Variants in SUPT3H observed in about 807,000 individuals in gnomAD.
The protein encoded by SUPT3H is SPT3 homolog, SAGA and STAGA complex component.
SUPT3H carries 44 observed loss-of-function variants against 44.3 expected under a neutral mutation model. The observed-to-expected ratio is 0.99, with a 90% CI of 0.78 to 1.28. The LOEUF (loss-of-function observed/expected upper bound fraction) is 1.28. Among genes scored for constraint, SUPT3H ranks in the 50% most tolerant of loss-of-function variants. SUPT3H has a pLI of 0.00. For synonymous variants in SUPT3H, 124 were observed against 125.6 expected (o/e 0.99, Z 0.09); for missense variants, 380 against 387.1 (o/e 0.98, Z 0.15).
rs539768003 is a variant in SUPT3H, at chr6:45,242,480, A to C, written c.101+122721T>G. Among the ~76,000 whole-genome samples the C allele has an allele frequency of 4.6e-5, 7 of 152,334 alleles. No individual in the cohort carries two copies. The East Asian group carries it at 1.4e-3, about 29-fold the overall frequency. On this transcript the variant is annotated intron_variant, in intron 2 of 10. Coordinates refer to ENST00000371459, the MANE Select transcript of SUPT3H (RefSeq NM_003599.4). ...ACAACCATAGGGGAGCTTGAAGATGAACATTCTCAGAGCTCATATCAAGCT... is the reference window on the plus strand; with the variant it reads ...ACAACCATAGGGGAGCTTGAAGATGCACATTCTCAGAGCTCATATCAAGCT...
At chr6:45,319,926 G>A (rs958128762) in intron 2 of SUPT3H, among the ~76,000 whole-genome samples, 1 of 152,026 alleles carries the variant, frequency 6.6e-6, no homozygotes, top group African/African-American at 2.4e-5. Context: ...CATCTTATTA[G>A]TAATAATGAA....
intron 5 of SUPT3H, among the ~76,000 whole-genome samples, chr6:45,010,419 T>A (rs1400104395): frequency 6.6e-6 from 1 of 152,130 alleles, no homozygotes; most frequent in Non-Finnish European, 1.5e-5. Context: ...CCCGATCTTA[T>A]AAGGGAAAGC....
intron 3 of SUPT3H, among the ~76,000 whole-genome samples, chr6:45,077,134 C>A (rs1178204476): frequency 6.6e-6 from 1 of 152,182 alleles, no homozygotes; most frequent in Admixed American, 6.5e-5. Context: ...CCCCACGAAG[C>A]TTTCCCTCAT....
chr6:45,292,067 C>T (rs905806605), intron 2 of SUPT3H, among the ~76,000 whole-genome samples: 1 of 152,116 alleles, frequency 6.6e-6, no homozygotes, highest in African/African-American at 2.4e-5. Flanking sequence ...CAAAGGAACA[C>T]CTATCAGATT....
At chr6:44,979,208 G>A (rs1460732286) in intron 6 of SUPT3H, among the ~76,000 whole-genome samples, 1 of 152,110 alleles carries the variant, frequency 6.6e-6, no homozygotes, top group African/African-American at 2.4e-5. Context: ...CTGTAGCACA[G>A]TATTTTAATT....
At chr6:45,036,552 G>A (rs1787703406) in intron 3 of SUPT3H, among the ~76,000 whole-genome samples, 1 of 152,008 alleles carries the variant, frequency 6.6e-6, no homozygotes. Flanking sequence ...AGCTTAAAAA[G>A]TTACATTGCC....
At chr6:44,962,100 T>C (rs1168553136) in intron 6 of SUPT3H, among the ~76,000 whole-genome samples, 1 of 152,212 alleles carries the variant, frequency 6.6e-6, no homozygotes, top group Non-Finnish European at 1.5e-5. Flanking sequence ...TTCTGACTTG[T>C]ATCATCCTTT....
intron 2 of SUPT3H, among the ~76,000 whole-genome samples, chr6:45,174,657 G>A (rs1232189453): frequency 6.6e-6 from 1 of 152,094 alleles, no homozygotes; most frequent in African/African-American, 2.4e-5. Context: ...GGAACACACA[G>A]TCTGTAGTAA....
At position 45,033,532 on chromosome 6, in the gene SUPT3H, C is replaced by A. The variant is rs191138532; in HGVS notation, c.187-12900G>T. ...CCTCACAGGGCTTACAGACTGATTACTTTTAGATGTACAATAAATATTGTA... is the reference window on the plus strand; with the variant it reads ...CCTCACAGGGCTTACAGACTGATTAATTTTAGATGTACAATAAATATTGTA... On this transcript the variant is annotated intron_variant, in intron 3 of 10. Transcript: ENST00000371459. 9.2e-5 allele frequency among the ~76,000 whole-genome samples: 14 copies of A among 152,200 alleles called. No homozygotes were observed. In the East Asian group the frequency reaches 2.7e-3, roughly 29 times the overall value.
At chr6:45,356,329 CAT>C (rs1793170028) in intron 2 of SUPT3H, among the ~76,000 whole-genome samples, 1 of 152,014 alleles carries the variant, frequency 6.6e-6, no homozygotes, top group Non-Finnish European at 1.5e-5. Flanking sequence ...AACACACACA[CAT>C]ATACACACAT....
chr6:45,079,960 A>G (rs1795563070), intron 3 of SUPT3H, among the ~76,000 whole-genome samples: 1 of 152,212 alleles, frequency 6.6e-6, no homozygotes, highest in African/African-American at 2.4e-5. Context: ...AGATTACATC[A>G]AATTGCAAAG....
At chr6:45,106,289 G>A (rs1465219399) in intron 2 of SUPT3H, among the ~76,000 whole-genome samples, 3 of 152,118 alleles carry the variant, frequency 2.0e-5, no homozygotes, top group African/African-American at 7.2e-5. Flanking sequence ...AAAATTAGCC[G>A]GAAGCAGTGG....
At chr6:44,870,706 CG>C (rs1449762926) in intron 10 of SUPT3H, among the ~76,000 whole-genome samples, 1 of 151,234 alleles carries the variant, frequency 6.6e-6, no homozygotes, top group Non-Finnish European at 1.5e-5. Context: ...ACGCAGAAGA[CG>C]GGTGATTTCT....
chr6:45,337,706 C>T (rs1028406924), intron 2 of SUPT3H, among the ~76,000 whole-genome samples: 2 of 151,832 alleles, frequency 1.3e-5, no homozygotes, highest in Admixed American at 6.6e-5. Context: ...ATATGATACA[C>T]TTCTAGAAGC....
At chr6:44,900,202 C>T (rs746126174) in intron 10 of SUPT3H, among the ~76,000 whole-genome samples, 13 of 152,240 alleles carry the variant, frequency 8.5e-5, no homozygotes, top group African/African-American at 1.2e-4. Flanking sequence ...GCGCACCGAG[C>T]GTGAGCTGAA....
intron 11 of SUPT3H, among the ~76,000 whole-genome samples, chr6:44,816,233 G>A (rs552872059): frequency 3.9e-5 from 6 of 152,182 alleles, no homozygotes; most frequent in African/African-American, 1.4e-4. Flanking sequence ...AGTGTTTAGA[G>A]GGAAACTGAA....
chr6:45,108,977 G>A (rs1276382491), intron 2 of SUPT3H, among the ~76,000 whole-genome samples: 1 of 152,010 alleles, frequency 6.6e-6, no homozygotes, highest in African/African-American at 2.4e-5. Context: ...CAAGTTTCTG[G>A]CTATAAGATC....
At chr6:45,117,181 G>A (rs1438366955) in intron 2 of SUPT3H, among the ~76,000 whole-genome samples, 2 of 151,916 alleles carry the variant, frequency 1.3e-5, no homozygotes, top group African/African-American at 4.8e-5. Context: ...TGTTGAACAA[G>A]TCATAGGCCA....
intron 2 of SUPT3H, among the ~76,000 whole-genome samples, chr6:45,292,043 CACCAGG>C (rs1780391952): frequency 1.3e-5 from 2 of 152,098 alleles, no homozygotes; most frequent in Non-Finnish European, 2.9e-5. Flanking sequence ...GAGAAAAAAG[CACCAGG>C]TAACCTACAA....
Sources: gnomAD v4.1 joint callset for allele counts (sites outside exome capture counted in the v4.1 genomes callset) on GRCh38, gnomAD v4.1.1 for gene constraint, MANE v1.5 for transcripts, NCBI Gene and HGNC (gene_info 2026-07-23, HGNC 2026-07-21) for gene names.